NECTIN3: variants seen among roughly 807,000 people sequenced by gnomAD.
The protein encoded by NECTIN3 is nectin cell adhesion molecule 3, also known as nectin-3.
A neutral mutation model predicts 49.4 loss-of-function variants in NECTIN3; 8 were observed. The observed-to-expected ratio is 0.16, with a 90% CI of 0.10 to 0.29. The LOEUF (loss-of-function observed/expected upper bound fraction) is 0.29, where lower values mean the gene tolerates loss of function less well. Ranked by LOEUF, NECTIN3 falls within the 10% of genes least tolerant of loss-of-function variation. The probability of loss-of-function intolerance (pLI) is 1.00; values close to 1 mark genes in which losing one functional copy is unlikely to be tolerated. For missense variants in NECTIN3, 581 were observed against 654.6 expected, an observed-to-expected ratio of 0.89 and a Z score of 1.23; for synonymous variants, 277 against 241.1, an observed-to-expected ratio of 1.15 and a Z score of -1.38.
At chr3:111,084,948 G>A (rs903366238) in intron 1 of NECTIN3, among the ~76,000 whole-genome samples, 1 of 152,272 alleles carries the variant, frequency 6.6e-6, no homozygotes, top group East Asian at 1.9e-4. Flanking sequence ...TGAAATCAAG[G>A]TGTAAGCAAG....
chr3:111,081,702 C>T (rs2031616857), intron 1 of NECTIN3, among the ~76,000 whole-genome samples: 1 of 152,074 alleles, frequency 6.6e-6, no homozygotes, highest in South Asian at 2.1e-4. Context: ...CTAGCTGAAT[C>T]TTGAAGGAAT....
chr3:111,164,321 G>A (rs150904507), intron 7 of NECTIN3, among the ~76,000 whole-genome samples: 368 of 152,232 alleles, frequency 2.4e-3, no homozygotes, highest in African/African-American at 8.3e-3. Context: ...CGTTGAAGCT[G>A]TCTCCCATGT....
At chr3:111,178,742 C>T (rs2035576885) in intron 7 of NECTIN3, among the ~76,000 whole-genome samples, 1 of 152,110 alleles carries the variant, frequency 6.6e-6, no homozygotes, top group East Asian at 1.9e-4. Flanking sequence ...CTTTTTAGCC[C>T]CTTTCTGCAA....
chr3:111,124,593 G>A (rs186677333), intron 4 of NECTIN3, among the ~76,000 whole-genome samples: 55 of 152,218 alleles, frequency 3.6e-4, no homozygotes, highest in African/African-American at 1.3e-3. Context: ...AAGGTTAGGT[G>A]CTTTTGTTTT....
intron 7 of NECTIN3, among the ~76,000 whole-genome samples, chr3:111,156,758 C>T (rs2107516656): frequency 6.6e-6 from 1 of 152,222 alleles, no homozygotes; most frequent in South Asian, 2.1e-4. Context: ...ATAATAGACA[C>T]AGTTACCTCT....
At chr3:111,120,643 C>T (rs569753331) in intron 3 of NECTIN3, among the ~76,000 whole-genome samples, 1 of 152,138 alleles carries the variant, frequency 6.6e-6, no homozygotes, top group Non-Finnish European at 1.5e-5. Flanking sequence ...TCCAGTAGGA[C>T]AGTCTTCCCT....
intron 4 of NECTIN3, among the ~76,000 whole-genome samples, chr3:111,125,010 C>CTTCTT (rs1230357625): frequency 2.1e-5 from 3 of 141,954 alleles, no homozygotes; most frequent in Admixed American, 1.4e-4. Flanking sequence ...ACTTTTTAAT[C>CTTCTT]TTCTTTTCTT....
At chr3:111,079,629 A>G (rs1182419199) in intron 1 of NECTIN3, among the ~76,000 whole-genome samples, 4 of 151,756 alleles carry the variant, frequency 2.6e-5, no homozygotes, top group African/African-American at 9.7e-5. Flanking sequence ...TAACAGTTCT[A>G]TACTTCTCTT....
In NECTIN3 at chr3:111,126,257, A is replaced by T. The variant is rs1017898255; in HGVS notation, c.991A>T (p.Asn331Tyr). The part of the protein sequence containing the change: ...TLHFVHPLTF[N>Y]YSGVYICKVT... Reference sequence around the variant, plus strand: ...TCATTTTGTCCATCCATTGACTTTCAATTATTCTGGTGTTTATATCTGTAA... The same window carrying T: ...TCATTTTGTCCATCCATTGACTTTCTATTATTCTGGTGTTTATATCTGTAA... The change falls in exon 5 of 6, where the codon AAT becomes TAT. Residue 331 changes from asparagine to tyrosine, a missense_variant. Coordinates refer to ENST00000485303, the MANE Select transcript of NECTIN3 (RefSeq NM_015480.3). 1 of 1,610,574 alleles carries T rather than the reference A, an allele frequency of 6.2e-7. No individual in the cohort carries two copies. Among genetic ancestry groups the T allele is most frequent in the Non-Finnish European group, 8.5e-7 (1 of 1,178,902 alleles).
rs2033496619 is a variant in NECTIN3, at chr3:111,112,140, T to C, written c.271T>C (p.Trp91Arg). 1 of 1,613,848 alleles carries C rather than the reference T, an allele frequency of 6.2e-7. No individual in the cohort carries two copies. Among genetic ancestry groups the C allele is most frequent in the Non-Finnish European group, 8.5e-7 (1 of 1,179,880 alleles). ...EVNETITQIS[W>R]EKIHGKSSQT... Reference sequence around the variant, plus strand: ...AAATGAAACCATAACACAGATTTCATGGGAGAAGATACATGGCAAAAGTTC... The same window carrying C: ...AAATGAAACCATAACACAGATTTCACGGGAGAAGATACATGGCAAAAGTTC... The change falls in exon 2 of 6, where the codon TGG (tryptophan) becomes CGG (arginine). Residue 91 changes from tryptophan (W) to arginine (R), a missense_variant. Coordinates refer to ENST00000485303, the MANE Select transcript of NECTIN3 (RefSeq NM_015480.3).
intron 5 of NECTIN3, among the ~76,000 whole-genome samples, chr3:111,130,393 T>C (rs1293363151): frequency 1.3e-5 from 2 of 152,138 alleles, no homozygotes; most frequent in East Asian, 1.9e-4. Flanking sequence ...CTAGGTATAA[T>C]GCTGCCTTTC....
At chr3:111,080,675 A>T (rs1349330487) in intron 1 of NECTIN3, among the ~76,000 whole-genome samples, 4 of 55,456 alleles carry the variant, frequency 7.2e-5, no homozygotes, top group Non-Finnish European at 1.2e-4. Flanking sequence ...TATATATGTC[A>T]TGCAAAAAAA....
chr3:111,168,557 C>G (rs1014657170), intron 7 of NECTIN3, among the ~76,000 whole-genome samples: 5 of 152,044 alleles, frequency 3.3e-5, no homozygotes, highest in African/African-American at 1.2e-4. Context: ...CAGCACTGCC[C>G]TGTCTTAAGC....
At chr3:111,138,452 T>G (rs1395047871), downstream of NECTIN3, among the ~76,000 whole-genome samples, 1 of 151,602 alleles carries the variant, frequency 6.6e-6, no homozygotes, top group Non-Finnish European at 1.5e-5. Context: ...TATAGTCCAG[T>G]CATCTGCTTT....
Position 111,072,243 on chromosome 3 carries a change from C to T in NECTIN3, c.160+66C>T, listed in dbSNP as rs1362772992. 2.7e-6 allele frequency: 4 copies of T among 1,486,622 alleles called. No individual in the cohort carries two copies. In the East Asian group the frequency reaches 7.6e-5, roughly 28 times the overall value. The allele number at this position is 1,486,622 out of a possible 1,614,324, so 92.1% of individuals were successfully genotyped here. ...CCACTGAGGGTGCGGGCGCCGCGGC[C>T]GGCTCTGCCAGCCGTTCTCTGGAGC... On this transcript the variant is annotated intron_variant, in intron 1 of 5. Coordinates refer to ENST00000485303, the MANE Select transcript of NECTIN3 (RefSeq NM_015480.3).
At chr3:111,183,048 ACTT>A (rs1559821991) in intron 7 of NECTIN3, among the ~76,000 whole-genome samples, 1 of 151,952 alleles carries the variant, frequency 6.6e-6, no homozygotes, top group Non-Finnish European at 1.5e-5. Flanking sequence ...ACATAATACT[ACTT>A]CATATATATT....
At chr3:111,130,233 G>C (rs577089324) in intron 5 of NECTIN3, among the ~76,000 whole-genome samples, 1 of 151,788 alleles carries the variant, frequency 6.6e-6, no homozygotes, top group South Asian at 2.1e-4. Context: ...TGGGATTACA[G>C]GCATGAGCCA....
chr3:111,086,020 G>A (rs1368882402), intron 1 of NECTIN3, among the ~76,000 whole-genome samples: 1 of 152,176 alleles, frequency 6.6e-6, no homozygotes, highest in Non-Finnish European at 1.5e-5. Context: ...TCAGCATGTA[G>A]TGGTGATTGT....
At chr3:111,093,678 C>T (rs769603415) in intron 1 of NECTIN3, among the ~76,000 whole-genome samples, 16 of 152,060 alleles carry the variant, frequency 1.1e-4, no homozygotes, top group South Asian at 4.1e-4. Flanking sequence ...TCAGGTGATC[C>T]GCCTGCCTGA....
Sources: gnomAD v4.1 joint callset for allele counts (sites outside exome capture counted in the v4.1 genomes callset) on GRCh38, gnomAD v4.1.1 for gene constraint, MANE v1.5 for transcripts, NCBI Gene and HGNC (gene_info 2026-07-23, HGNC 2026-07-21) for gene names.